Variants in UQCC1 observed in about 807,000 individuals in gnomAD.
UQCC1 encodes bFGF-repressed Zic-binding protein.
UQCC1 carries 38 observed loss-of-function variants against 48.0 expected under a neutral mutation model. That is an observed-to-expected ratio of 0.79 (90% confidence interval 0.61 to 1.04). The LOEUF (loss-of-function observed/expected upper bound fraction) is 1.04, where lower values mean the gene tolerates loss of function less well. Ranked by LOEUF, UQCC1 falls within the 50% of genes least tolerant of loss-of-function variation. The pLI is 0.00. For synonymous variants in UQCC1, 111 were observed against 129.2 expected (o/e 0.86, Z 0.95); for missense variants, 368 against 381.8 (o/e 0.96, Z 0.30).
rs766759463 is a variant in UQCC1, at chr20:35,347,162, AC to A, written c.573+1del. ...GACAAGCATCTGACAGCACTCACTT[AC>A]CCCCATGACTCTGCCGCGCTGCTGA... On this transcript the variant is annotated splice_donor_variant, in intron 7 of 9. Coordinates refer to ENST00000374385, the MANE Select transcript of UQCC1 (RefSeq NM_018244.5). LOFTEE classifies it high-confidence loss of function. The A allele has an allele frequency of 5.6e-6, 9 of 1,614,072 alleles. No individual in the cohort carries two copies. The highest frequency in any genetic ancestry group is 6.8e-6 in the Non-Finnish European group (8 of 1,180,028).
intron 1 of UQCC1, among the ~76,000 whole-genome samples, chr20:35,399,128 C>G (rs184581752): frequency 6.6e-6 from 1 of 152,330 alleles, no homozygotes; most frequent in East Asian, 1.9e-4. Context: ...AGCTATCTCA[C>G]AGGAGTGTTC....
At chr20:35,353,627 C>CA (rs1005765709) in intron 6 of UQCC1, among the ~76,000 whole-genome samples, 12 of 151,794 alleles carry the variant, frequency 7.9e-5, no homozygotes, top group African/African-American at 2.9e-4. Context: ...CCCACCTCTA[C>CA]AAAAAAACGT....
intron 5 of UQCC1, among the ~76,000 whole-genome samples, chr20:35,373,772 T>C (rs2061762589): frequency 6.6e-6 from 1 of 151,798 alleles, no homozygotes; most frequent in Non-Finnish European, 1.5e-5. Flanking sequence ...AAAAGATGCA[T>C]GTGTGGACAA....
intron 6 of UQCC1, among the ~76,000 whole-genome samples, chr20:35,356,997 C>A (rs753799582): frequency 9.9e-5 from 15 of 152,186 alleles, no homozygotes; most frequent in Non-Finnish European, 2.1e-4. Context: ...TCAACAGGTA[C>A]AACTCAGAGA....
At chr20:35,381,386 G>A (rs1485321622) in intron 4 of UQCC1, among the ~76,000 whole-genome samples, 1 of 152,168 alleles carries the variant, frequency 6.6e-6, no homozygotes, top group Non-Finnish European at 1.5e-5. Flanking sequence ...GGCATACCAT[G>A]CAGCAAGGGC....
chr20:35,383,797 G>C (rs1243530427), intron 3 of UQCC1, among the ~76,000 whole-genome samples: 1 of 152,080 alleles, frequency 6.6e-6, no homozygotes, highest in African/African-American at 2.4e-5. Flanking sequence ...ACTACAGTCA[G>C]CTATGAAGGC....
intron 1 of UQCC1, among the ~76,000 whole-genome samples, chr20:35,396,353 T>C (rs1234185607): frequency 7.0e-6 from 1 of 142,548 alleles, no homozygotes; most frequent in African/African-American, 2.6e-5. Context: ...GTCCAGTGCC[T>C]AGTCATGGTG....
At chr20:35,381,474 C>A (rs1568695646) in intron 4 of UQCC1, among the ~76,000 whole-genome samples, 1 of 152,106 alleles carries the variant, frequency 6.6e-6, no homozygotes, top group Non-Finnish European at 1.5e-5. Flanking sequence ...CTAGTTCAGC[C>A]CCACATGTTG....
Position 35,303,684 on chromosome 20 carries a change from C to T in UQCC1, c.*251G>A. Reference sequence around the variant, plus strand: ...GGGTTGGGGAGTGTGTGCTGGGGGACTCTCACTCGGGGCTTCCCCTAAGGG... The same window carrying T: ...GGGTTGGGGAGTGTGTGCTGGGGGATTCTCACTCGGGGCTTCCCCTAAGGG... On this transcript the variant is annotated 3_prime_UTR_variant, in exon 10 of 10. Coordinates refer to ENST00000374385, the MANE Select transcript of UQCC1 (RefSeq NM_018244.5). 4 of 524,180 alleles carry T rather than the reference C, an allele frequency of 7.6e-6. No individual in the cohort carries two copies. The highest frequency in any genetic ancestry group is 1.4e-5 in the Non-Finnish European group (4 of 290,952). 32.5% of individuals were successfully genotyped at this position (524,180 alleles called of 1,614,324 possible).
intron 6 of UQCC1, among the ~76,000 whole-genome samples, chr20:35,359,222 T>G (rs543223900): frequency 6.6e-6 from 1 of 152,338 alleles, no homozygotes; most frequent in African/African-American, 2.4e-5. Flanking sequence ...ACATTCATTC[T>G]GTCTCTCAGG....
At chr20:35,393,035 A>G (rs1323588529) in intron 2 of UQCC1, among the ~76,000 whole-genome samples, 1 of 152,030 alleles carries the variant, frequency 6.6e-6, no homozygotes, top group Non-Finnish European at 1.5e-5. Context: ...AAGAAATACA[A>G]GGTAAAACAA....
At chr20:35,391,419 T>C (rs1443001754) in intron 2 of UQCC1, among the ~76,000 whole-genome samples, 1 of 152,046 alleles carries the variant, frequency 6.6e-6, no homozygotes, top group Non-Finnish European at 1.5e-5. Context: ...GTCAGGAGTT[T>C]GAGACCAGCC....
intron 6 of UQCC1, among the ~76,000 whole-genome samples, chr20:35,355,641 C>T (rs1011090060): frequency 4.6e-5 from 7 of 152,140 alleles, no homozygotes; most frequent in Non-Finnish European, 7.3e-5. Flanking sequence ...ATTCAATTTA[C>T]GCTTGTTTGA....
intron 7 of UQCC1, 117 bp downstream of exon 7, chr20:35,347,047 T>C (rs1217788313): frequency 1.9e-6 from 3 of 1,608,638 alleles, no homozygotes; most frequent in African/African-American, 2.7e-5. Context: ...TGCCACTTGA[T>C]ATTAGGCAGC....
intron 4 of UQCC1, among the ~76,000 whole-genome samples, chr20:35,377,224 C>A (rs1314524381): frequency 1.3e-5 from 2 of 152,086 alleles, no homozygotes; most frequent in African/African-American, 4.8e-5. Flanking sequence ...GATAGTATAT[C>A]ATAATCAAGT....
intron 6 of UQCC1, among the ~76,000 whole-genome samples, chr20:35,359,692 A>C (rs1243567770): frequency 6.6e-6 from 1 of 152,122 alleles, no homozygotes; most frequent in Admixed American, 6.5e-5. Flanking sequence ...CAGGTTCGTC[A>C]CTCTGGCTGC....
At chr20:35,374,336 TTA>T in intron 4 of UQCC1, 80 bp from the exon 5 acceptor site, 1 of 1,063,024 alleles carries the variant, frequency 9.4e-7, no homozygotes, top group Non-Finnish European at 1.4e-6. Flanking sequence ...TCACAAAATC[TTA>T]TATTTCTTCA....
At chr20:35,392,031 G>A (rs990166829) in intron 2 of UQCC1, among the ~76,000 whole-genome samples, 2 of 152,160 alleles carry the variant, frequency 1.3e-5, no homozygotes, top group African/African-American at 2.4e-5. Context: ...TTACCTTACA[G>A]ATACCTGATA....
At chr20:35,410,473 A>C (rs2062332727) in intron 1 of UQCC1, among the ~76,000 whole-genome samples, 1 of 150,438 alleles carries the variant, frequency 6.6e-6, no homozygotes, top group South Asian at 2.1e-4. Context: ...CAGAGGTTGC[A>C]GTGAGCCGAG....
Sources: allele counts gnomAD v4.1 joint callset (sites outside exome capture counted in the v4.1 genomes callset), GRCh38; gene constraint gnomAD v4.1.1; transcripts MANE v1.5; gene names NCBI Gene and HGNC (gene_info 2026-07-23, HGNC 2026-07-21).